Variants in ASZ1 observed in about 807,000 individuals in gnomAD.
The protein encoded by ASZ1 is ankyrin repeat, SAM and basic leucine zipper domain-containing protein 1.
ASZ1 carries 67 observed loss-of-function variants against 61.8 expected under a neutral mutation model. That is an observed-to-expected ratio of 1.08 (90% CI 0.89 to 1.33). The LOEUF (loss-of-function observed/expected upper bound fraction) is 1.33. Among genes scored for constraint, ASZ1 ranks in the 40% most tolerant of loss-of-function variants. The pLI is 0.00. For synonymous variants in ASZ1, 193 were observed against 192.7 expected, an observed-to-expected ratio of 1.00 and a Z score of -0.01; for missense variants, 577 against 554.5, an observed-to-expected ratio of 1.04 and a Z score of -0.41.
chr7:117,381,119 G>A (rs770220973), intron 8 of ASZ1, 52 bp from the exon 9 acceptor site: 10 of 1,439,906 alleles, frequency 6.9e-6, no homozygotes, highest in Non-Finnish European at 8.5e-6. Flanking sequence ...AATAGTAGAA[G>A]GAGAAGTAGG....
At chr7:117,381,184 A>G (rs1796243150) in intron 8 of ASZ1, 117 bp from the exon 9 acceptor site, 1 of 802,582 alleles carries the variant, frequency 1.2e-6, no homozygotes, top group Non-Finnish European at 2.0e-6. Flanking sequence ...CCAATTTTCT[A>G]GAGGGGACAG....
chr7:117,402,436 G>A (rs1796697834), intron 4 of ASZ1, among the ~76,000 whole-genome samples: 1 of 152,148 alleles, frequency 6.6e-6, no homozygotes, highest in Non-Finnish European at 1.5e-5. Context: ...TTGAGTTGTT[G>A]CTCCATGATG....
chr7:117,416,903 T>C (rs1797003992), intron 4 of ASZ1, among the ~76,000 whole-genome samples: 1 of 152,216 alleles, frequency 6.6e-6, no homozygotes, highest in South Asian at 2.1e-4. Flanking sequence ...ACTTGTAGTG[T>C]AGTGCAAACA....
At chr7:117,410,899 T>C (rs1386760384) in intron 4 of ASZ1, among the ~76,000 whole-genome samples, 3 of 151,766 alleles carry the variant, frequency 2.0e-5, no homozygotes, top group Non-Finnish European at 4.4e-5. Flanking sequence ...TTTATTTTTG[T>C]AGTGTATAAT....
At chr7:117,424,611 T>C (rs1009002260) in intron 2 of ASZ1, among the ~76,000 whole-genome samples, 3 of 152,194 alleles carry the variant, frequency 2.0e-5, no homozygotes, top group Admixed American at 6.5e-5. Context: ...CATCTGCCCA[T>C]CAATCATATC....
At chr7:117,384,635 C>G (rs551767526) in intron 6 of ASZ1, 91 bp downstream of exon 6, 1 of 1,389,726 alleles carries the variant, frequency 7.2e-7, no homozygotes, top group Non-Finnish European at 9.7e-7. Flanking sequence ...ACTATAATTA[C>G]ACTTTTAATT....
intron 1 of ASZ1, 146 bp from the exon 2 acceptor site, chr7:117,427,081 T>C (rs1797235181): frequency 1.0e-6 from 1 of 988,884 alleles, no homozygotes; most frequent in Admixed American, 3.0e-5. Context: ...AGAATTCGTG[T>C]CGAAAATTAT....
At position 117,383,014 on chromosome 7, in the gene ASZ1, A is replaced by C. The variant is rs1401519648; in HGVS notation, c.784T>G (p.Ser262Ala). ...DTICKILTTD[S>A]DREKDHIFSS... ...AAAATGTGATCTTTTTCTCTATCAG[A>C]ATCTGTTGTCAATATTTTACAAATA... is the stretch of plus-strand genomic sequence containing the variant. The change falls in exon 7 of 13, where the codon TCT becomes GCT. Residue 262 changes from serine to alanine, a missense_variant. By Grantham distance (99) the Ser-to-Ala change is moderately conservative (BLOSUM62 1). Transcript: ENST00000284629. 7 of 1,587,528 alleles carry C rather than the reference A, an allele frequency of 4.4e-6. No individual in the cohort carries two copies. The African/African-American group carries it at 9.5e-5, about 22-fold the overall frequency.
chr7:117,389,690 G>A (rs1796425589), intron 4 of ASZ1, among the ~76,000 whole-genome samples: 1 of 152,140 alleles, frequency 6.6e-6, no homozygotes, highest in Non-Finnish European at 1.5e-5. Context: ...ATGCAGACCT[G>A]CACCCTCGGG....
In ASZ1 at chr7:117,382,116, C is replaced by T; in HGVS notation, c.841G>A (p.Val281Ile). The T allele has an allele frequency of 1.3e-6, 2 of 1,599,980 alleles. No individual in the cohort carries two copies. The highest frequency in any genetic ancestry group is 1.3e-5 in the African/African-American group (1 of 74,644). The change falls in exon 8 of 13, where the codon GTA becomes ATA. Residue 281 changes from valine to isoleucine, a missense_variant. Coordinates refer to ENST00000284629, the MANE Select transcript of ASZ1 (RefSeq NM_130768.3). ...SSYTAFGDLE[V>I]FLHGLGLEHM... ...TCAAGTCCAAGACCATGTAAAAATA[C>T]TTCCAGATCTCCAAATGCTGTATAT...
intron 4 of ASZ1, among the ~76,000 whole-genome samples, chr7:117,392,353 C>G (rs986138375): frequency 1.4e-4 from 22 of 151,982 alleles, no homozygotes; most frequent in Non-Finnish European, 2.4e-4. Flanking sequence ...AATGGAAAAT[C>G]CTTTTTTTCA....
chr7:117,402,263 G>A (rs1020128955), intron 4 of ASZ1, among the ~76,000 whole-genome samples: 1 of 152,122 alleles, frequency 6.6e-6, no homozygotes, highest in African/African-American at 2.4e-5. Flanking sequence ...GGAGCCTAAT[G>A]TTGCAAGTAT....
At chr7:117,379,150 T>TAC (rs1796199146) in intron 10 of ASZ1, among the ~76,000 whole-genome samples, 1 of 103,944 alleles carries the variant, frequency 9.6e-6, no homozygotes, top group Non-Finnish European at 1.9e-5. Context: ...TATATATATA[T>TAC]ATATATATAT....
intron 4 of ASZ1, among the ~76,000 whole-genome samples, chr7:117,388,945 A>G (rs1796411755): frequency 6.6e-6 from 1 of 152,226 alleles, no homozygotes; most frequent in African/African-American, 2.4e-5. Flanking sequence ...AGCATTCAAG[A>G]GAAATATTTA....
intron 8 of ASZ1, among the ~76,000 whole-genome samples, 168 bp downstream of exon 8, chr7:117,381,901 A>AT (rs1179394394): frequency 6.6e-6 from 1 of 152,146 alleles, no homozygotes; most frequent in Non-Finnish European, 1.5e-5. Flanking sequence ...AGAATAATAC[A>AT]TTTTTGCAAT....
intron 4 of ASZ1, among the ~76,000 whole-genome samples, chr7:117,406,061 A>G (rs1200555173): frequency 1.3e-5 from 2 of 151,692 alleles, no homozygotes; most frequent in Non-Finnish European, 2.9e-5. Context: ...CCAAACACAT[A>G]CTCTCCTTAG....
At chr7:117,381,953 G>A (rs1462097267) in intron 8 of ASZ1, 116 bp downstream of exon 8, 1 of 676,798 alleles carries the variant, frequency 1.5e-6, no homozygotes, top group Admixed American at 2.8e-5. Context: ...ACAAATTATG[G>A]TGAAAAGTAA....
intron 2 of ASZ1, among the ~76,000 whole-genome samples, chr7:117,426,588 G>A (rs187301013): frequency 6.4e-4 from 98 of 152,076 alleles, no homozygotes; most frequent in Admixed American, 2.5e-3. Context: ...AGTGGGATAG[G>A]ATTAGAGTAG....
intron 2 of ASZ1, among the ~76,000 whole-genome samples, chr7:117,425,344 C>T (rs1328220174): frequency 7.4e-6 from 1 of 135,380 alleles, no homozygotes; most frequent in Non-Finnish European, 1.5e-5. Context: ...CGGCTCACTG[C>T]AAGCTCCGCC....
Sources: allele counts gnomAD v4.1 joint callset (sites outside exome capture counted in the v4.1 genomes callset), GRCh38; gene constraint gnomAD v4.1.1; transcripts MANE v1.5; gene names NCBI Gene and HGNC (gene_info 2026-07-23, HGNC 2026-07-21).